SH3GL2: variants seen among roughly 807,000 people sequenced by gnomAD.
SH3GL2 encodes the protein endophilin-A1.
SH3GL2 carries 24 observed loss-of-function variants against 46.0 expected under a neutral mutation model. The observed-to-expected ratio is 0.52, with a 90% CI of 0.38 to 0.73. The LOEUF (loss-of-function observed/expected upper bound fraction) is 0.73. Among genes scored for constraint, SH3GL2 ranks in the 30% least tolerant of loss-of-function variants. The pLI, the probability that SH3GL2 is intolerant of heterozygous loss-of-function variation, is 0.00. For missense variants in SH3GL2, 413 were observed against 424.2 expected (o/e 0.97, Z 0.23); for synonymous variants, 196 against 147.1 (o/e 1.33, Z -2.40).
chr9:17,686,578 G>T (rs1820916670), intron 1 of SH3GL2, among the ~76,000 whole-genome samples: 1 of 147,152 alleles, frequency 6.8e-6, no homozygotes, highest in East Asian at 2.0e-4. Flanking sequence ...AGAAAATGTG[G>T]CACATATACA....
chr9:17,642,595 T>C (rs918076479), intron 1 of SH3GL2, among the ~76,000 whole-genome samples: 24 of 152,216 alleles, frequency 1.6e-4, no homozygotes, highest in Non-Finnish European at 3.1e-4. Context: ...CCCAACACCA[T>C]TGATTAAATA....
At position 17,662,703 on chromosome 9, in the gene SH3GL2, CT is replaced by C. The variant is rs559842403; in HGVS notation, c.45+83439del. Among the ~76,000 whole-genome samples, 679 of 96,908 alleles carry C rather than the reference CT, an allele frequency of 7.0e-3. 3 individuals carry two copies. Among genetic ancestry groups the C allele is most frequent in the African/African-American group, 0.017 (400 of 24,166 alleles). The allele number at this position is 96,908 out of a possible 152,430, so 63.6% of individuals were successfully genotyped here. On this transcript the variant is annotated intron_variant, in intron 1 of 8. Coordinates refer to ENST00000380607, the MANE Select transcript of SH3GL2 (RefSeq NM_003026.5). ...CATGCTTTCAGTTTTTTGGCCAAGTCTTTTTTTTTTTTTTTTTTTTTTTGAG... is the reference window on the plus strand; with the variant it reads ...CATGCTTTCAGTTTTTTGGCCAAGTCTTTTTTTTTTTTTTTTTTTTTTGAG...
intron 1 of SH3GL2, among the ~76,000 whole-genome samples, chr9:17,719,830 C>T (rs1160646559): frequency 6.7e-6 from 1 of 149,328 alleles, no homozygotes; most frequent in Non-Finnish European, 1.5e-5. Context: ...CCTTGTGCTA[C>T]TGGTATTTAA....
chr9:17,579,850 C>T (rs1324622430), intron 1 of SH3GL2, among the ~76,000 whole-genome samples: 2 of 152,176 alleles, frequency 1.3e-5, no homozygotes. Context: ...CTTTAGGGAC[C>T]CGCATACATT....
chr9:17,631,586 A>G (rs1819426928), intron 1 of SH3GL2, among the ~76,000 whole-genome samples: 1 of 152,190 alleles, frequency 6.6e-6, no homozygotes, highest in South Asian at 2.1e-4. Context: ...TGTTCACATC[A>G]GCTGGGCTGT....
At chr9:17,786,235 G>A (rs1029658744) in intron 3 of SH3GL2, 146 bp from the exon 4 acceptor site, 14 of 647,430 alleles carry the variant, frequency 2.2e-5, no homozygotes, top group Middle Eastern at 8.0e-4. Flanking sequence ...ACTGACTGAC[G>A]GAGAGAACAC....
intron 1 of SH3GL2, among the ~76,000 whole-genome samples, chr9:17,656,478 A>G (rs1170303373): frequency 1.3e-5 from 2 of 152,132 alleles, no homozygotes; most frequent in Non-Finnish European, 1.5e-5. Flanking sequence ...AACGTAGATA[A>G]TCTTGCCTGT....
At chr9:17,680,568 T>C (rs578015874) in intron 1 of SH3GL2, among the ~76,000 whole-genome samples, 1 of 152,174 alleles carries the variant, frequency 6.6e-6, no homozygotes, top group Admixed American at 6.5e-5. Context: ...TGTTGATCTT[T>C]TCAAAAAACC....
At chr9:17,776,250 C>T (rs1823638482) in intron 3 of SH3GL2, among the ~76,000 whole-genome samples, 1 of 151,944 alleles carries the variant, frequency 6.6e-6, no homozygotes, top group Admixed American at 6.6e-5. Flanking sequence ...TGTGATAAAC[C>T]TTGATTTTGA....
At chr9:17,587,265 G>A (rs1049035907) in intron 1 of SH3GL2, among the ~76,000 whole-genome samples, 1 of 152,180 alleles carries the variant, frequency 6.6e-6, no homozygotes, top group African/African-American at 2.4e-5. Context: ...CTCCAGTGAG[G>A]AAAGGAGAGA....
intron 1 of SH3GL2, among the ~76,000 whole-genome samples, chr9:17,597,970 C>T (rs574675003): frequency 6.6e-6 from 1 of 152,310 alleles, no homozygotes; most frequent in Non-Finnish European, 1.5e-5. Flanking sequence ...TACTCATTCC[C>T]TGCCCCCGTG....
intron 1 of SH3GL2, among the ~76,000 whole-genome samples, chr9:17,725,834 G>C (rs967260535): frequency 2.2e-4 from 33 of 152,186 alleles, no homozygotes; most frequent in African/African-American, 7.7e-4. Flanking sequence ...GGTTGAATAG[G>C]CAGCGAGAGG....
chr9:17,700,097 A>T (rs936097470), intron 1 of SH3GL2, among the ~76,000 whole-genome samples: 7 of 152,214 alleles, frequency 4.6e-5, no homozygotes, highest in Non-Finnish European at 8.8e-5. Context: ...AGAAGAACAT[A>T]TGGTCATACA....
intron 1 of SH3GL2, among the ~76,000 whole-genome samples, chr9:17,692,168 A>G (rs1252358297): frequency 6.6e-6 from 1 of 152,130 alleles, no homozygotes; most frequent in African/African-American, 2.4e-5. Flanking sequence ...TGCAGATGTT[A>G]AAAAAGTAGA....
chr9:17,605,771 A>G (rs145021000), intron 1 of SH3GL2, among the ~76,000 whole-genome samples: 3 of 152,282 alleles, frequency 2.0e-5, no homozygotes, highest in Non-Finnish European at 2.9e-5. Context: ...GTCATAGTCT[A>G]TTACATTCCT....
At chr9:17,592,454 A>G (rs1407992790) in intron 1 of SH3GL2, among the ~76,000 whole-genome samples, 1 of 152,184 alleles carries the variant, frequency 6.6e-6, no homozygotes, top group Non-Finnish European at 1.5e-5. Context: ...TCAGTGTACC[A>G]TTTTCTTAAA....
At chr9:17,670,712 C>T (rs1441639311) in intron 1 of SH3GL2, among the ~76,000 whole-genome samples, 1 of 152,128 alleles carries the variant, frequency 6.6e-6, no homozygotes, top group Non-Finnish European at 1.5e-5. Context: ...TTTGCTTGCA[C>T]CTTTTCTGAA....
At chr9:17,709,412 C>T (rs1310758124) in intron 1 of SH3GL2, among the ~76,000 whole-genome samples, 1 of 151,872 alleles carries the variant, frequency 6.6e-6, no homozygotes, top group Non-Finnish European at 1.5e-5. Context: ...AAGGGCTGAT[C>T]CATACATAAA....
chr9:17,768,516 C>T (rs968141669), intron 3 of SH3GL2, among the ~76,000 whole-genome samples: 2 of 152,026 alleles, frequency 1.3e-5, no homozygotes, highest in Admixed American at 1.3e-4. Flanking sequence ...AATACCATAC[C>T]TAAATCCTCA....
Sources: gnomAD v4.1 joint callset for allele counts (sites outside exome capture counted in the v4.1 genomes callset) on GRCh38, gnomAD v4.1.1 for gene constraint, MANE v1.5 for transcripts, NCBI Gene and HGNC (gene_info 2026-07-23, HGNC 2026-07-21) for gene names.